HINT3: variants seen among roughly 807,000 people sequenced by gnomAD.
HINT3 encodes the protein histidine triad nucleotide binding protein 3.
A neutral mutation model predicts 19.1 loss-of-function variants in HINT3; 16 were observed. That is an observed-to-expected ratio of 0.84 (90% CI 0.57 to 1.27). The LOEUF (loss-of-function observed/expected upper bound fraction) is 1.27, where lower values mean the gene tolerates loss of function less well. HINT3 is among the 50% of genes most tolerant of loss of function. The pLI is 0.00. For synonymous variants in HINT3, 75 were observed against 84.8 expected (o/e 0.88, Z 0.63); for missense variants, 197 against 225.8 (o/e 0.87, Z 0.82).
chr6:125,972,285 AC>A lies in HINT3; in HGVS notation c.348del (p.Ile117PhefsTer13), dbSNP rs1429057113. 6.3e-7 allele frequency: 1 copy of A among 1,579,506 alleles called. No homozygotes were observed. The highest frequency in any genetic ancestry group is 1.9e-5 in the Admixed American group (1 of 52,042). On this transcript the variant is annotated frameshift_variant, in exon 3 of 5. Transcript: ENST00000229633. LOFTEE classifies it high-confidence loss of function. Reference sequence around the variant, plus strand: ...TGAGAACATGGTAACTGTTGGAAAAACCATTCTTGAAAGAAATAATTTCACT... The same window carrying A: ...TGAGAACATGGTAACTGTTGGAAAAACATTCTTGAAAGAAATAATTTCACT... ...LVENMVTVGK[T>X]ILERNNFTDF...
At chr6:125,960,617 G>C (rs964384071) in intron 1 of HINT3, among the ~76,000 whole-genome samples, 1 of 141,486 alleles carries the variant, frequency 7.1e-6, no homozygotes, top group Admixed American at 7.9e-5. Context: ...AGATCGCGCC[G>C]CTGCACTCCA....
intron 4 of HINT3, among the ~76,000 whole-genome samples, chr6:125,976,071 A>G (rs1044974329): frequency 9.9e-5 from 15 of 152,214 alleles, no homozygotes; most frequent in African/African-American, 3.6e-4. Flanking sequence ...AGTGATCTGT[A>G]GTTGCCATAT....
rs2128710067 is a variant in HINT3, at chr6:125,956,964, G to C, written c.-14G>C. 2 of 1,548,760 alleles carry C rather than the reference G, an allele frequency of 1.3e-6. No individual in the cohort carries two copies. Among genetic ancestry groups the C allele is most frequent in the Non-Finnish European group, 1.7e-6 (2 of 1,146,154 alleles). On this transcript the variant is annotated 5_prime_UTR_variant, in exon 1 of 5. Coordinates refer to ENST00000229633, the MANE Select transcript of HINT3 (RefSeq NM_138571.5). The stretch of plus-strand genomic sequence containing the variant: ...TGGAGAGGCCGAGGCTCTAGGCCGC[G>C]AGGGGCGGGTGCAATGGCGGAGGAA...
rs1265736667 is a variant in HINT3, at chr6:125,962,161, CACAT to C, written c.202-4724_202-4721del. Among the ~76,000 whole-genome samples, 10 of 99,844 alleles carry C rather than the reference CACAT, an allele frequency of 1.0e-4. 2 individuals are homozygous for C. The highest frequency in any genetic ancestry group is 4.5e-4 in the African/African-American group (10 of 22,440). 65.5% of individuals were successfully genotyped at this position (99,844 alleles called of 152,430 possible). A position where few individuals can be genotyped will look rare whatever the true frequency, so the allele number is the denominator to read the frequency against. Reference sequence around the variant, plus strand: ...GTGGATGGAAACCCATATATATATACACATATATATATATATATATATATACACA... The same window carrying C: ...GTGGATGGAAACCCATATATATATACATATATATATATATATATATACACA... On this transcript the variant is annotated intron_variant, in intron 1 of 4. Coordinates refer to ENST00000229633, the MANE Select transcript of HINT3 (RefSeq NM_138571.5).
intron 3 of HINT3, among the ~76,000 whole-genome samples, chr6:125,974,189 A>G (rs150762293): frequency 9.4e-4 from 143 of 152,328 alleles, no homozygotes; most frequent in Middle Eastern, 3.4e-3. Context: ...GGACTTGCAA[A>G]AATTTTTGTA....
At chr6:125,960,480 A>G (rs1788903542) in intron 1 of HINT3, among the ~76,000 whole-genome samples, 2 of 152,112 alleles carry the variant, frequency 1.3e-5, no homozygotes, top group Admixed American at 1.3e-4. Context: ...AATATGGTGA[A>G]ACCCCATCTC....
intron 1 of HINT3, among the ~76,000 whole-genome samples, chr6:125,965,590 A>C (rs1789006138): frequency 6.6e-6 from 1 of 152,026 alleles, no homozygotes; most frequent in East Asian, 1.9e-4. Context: ...GGGAGACTCC[A>C]TCTCTACAAA....
chr6:125,971,008 T>C (rs1789089533), intron 2 of HINT3, among the ~76,000 whole-genome samples: 1 of 152,188 alleles, frequency 6.6e-6, no homozygotes, highest in East Asian at 1.9e-4. Context: ...TCTCAATATA[T>C]CAGCTATCCT....
chr6:125,975,200 C>G lies in HINT3; in HGVS notation c.516+227C>G, dbSNP rs75097847. ...GCTAAATCTTCCCCATTGCAAGTAG[C>G]AGATACGATATAGAAGAACCATGGT... On this transcript the variant is annotated intron_variant, in intron 4 of 4. Coordinates refer to ENST00000229633, the MANE Select transcript of HINT3 (RefSeq NM_138571.5). 0.034 allele frequency among the ~76,000 whole-genome samples: 5,192 copies of G among 152,180 alleles called. 297 individuals are homozygous for G. Among genetic ancestry groups the G allele is most frequent in the African/African-American group, 0.12 (4,976 of 41,478 alleles).
At chr6:125,971,226 C>A (rs1162939526) in intron 2 of HINT3, among the ~76,000 whole-genome samples, 1 of 152,198 alleles carries the variant, frequency 6.6e-6, no homozygotes, top group Non-Finnish European at 1.5e-5. Flanking sequence ...AGTCATTATA[C>A]AAATTTTTGG....
chr6:125,962,523 A>T (rs967801110), intron 1 of HINT3, among the ~76,000 whole-genome samples: 2 of 152,154 alleles, frequency 1.3e-5, no homozygotes, highest in African/African-American at 4.8e-5. Flanking sequence ...TACATCATAC[A>T]TTCATATACT....
intron 1 of HINT3, among the ~76,000 whole-genome samples, chr6:125,959,875 A>G (rs981398430): frequency 2.6e-5 from 4 of 152,232 alleles, no homozygotes; most frequent in Non-Finnish European, 5.9e-5. Context: ...GCATGGGGAT[A>G]CAGCCGTAAA....
chr6:125,974,653 G>T (rs1426791503), intron 3 of HINT3, among the ~76,000 whole-genome samples, 194 bp from the exon 4 acceptor site: 1 of 152,152 alleles, frequency 6.6e-6, no homozygotes, highest in East Asian at 1.9e-4. Flanking sequence ...ATGTTACTAC[G>T]AACTTCAACA....
chr6:125,974,837 T>C lies in HINT3; in HGVS notation c.390-10T>C. The C allele has an allele frequency of 6.2e-7, 1 of 1,604,414 alleles. No homozygotes were observed. Among genetic ancestry groups the C allele is most frequent in the Non-Finnish European group, 8.5e-7 (1 of 1,172,954 alleles). On this transcript the variant is annotated splice_polypyrimidine_tract_variant and intron_variant, in intron 3 of 4. Transcript: ENST00000229633. ...TGGTTTGTCAATCATCTCTTTACTT[T>C]CTATTTTAGGATGGGTTTTCATATG...
chr6:125,958,148 G>C (rs745391581), intron 1 of HINT3, among the ~76,000 whole-genome samples: 3 of 152,014 alleles, frequency 2.0e-5, no homozygotes, highest in Non-Finnish European at 4.4e-5. Context: ...GAGACATGAA[G>C]AAATAAGTAG....
In HINT3 at chr6:125,974,869, T is replaced by C; in HGVS notation, c.412T>C (p.Phe138Leu). Reference protein sequence around the residue: ...NVRMGFHMPPFCSISHLHLHV... With the variant: ...NVRMGFHMPPLCSISHLHLHV... Reference sequence around the variant, plus strand: ...TAGGATGGGTTTTCATATGCCACCATTCTGTTCCATTTCCCACTTGCACCT... The same window carrying C: ...TAGGATGGGTTTTCATATGCCACCACTCTGTTCCATTTCCCACTTGCACCT... The change falls in exon 4 of 5, where the codon TTC (phenylalanine) becomes CTC (leucine). Residue 138 changes from phenylalanine to leucine, a missense_variant. Coordinates refer to ENST00000229633, the MANE Select transcript of HINT3 (RefSeq NM_138571.5). The C allele has an allele frequency of 6.2e-7, 1 of 1,613,932 alleles. No homozygotes were observed. The highest frequency in any genetic ancestry group is 8.5e-7 in the Non-Finnish European group (1 of 1,179,870).
intron 2 of HINT3, among the ~76,000 whole-genome samples, chr6:125,968,282 G>C (rs1789046628): frequency 6.6e-6 from 1 of 152,172 alleles, no homozygotes; most frequent in South Asian, 2.1e-4. Flanking sequence ...TTCTGTTCCT[G>C]TGTAATTCAT....
At chr6:125,966,714 C>T (rs546212494) in intron 1 of HINT3, among the ~76,000 whole-genome samples, 173 bp from the exon 2 acceptor site, 1 of 152,148 alleles carries the variant, frequency 6.6e-6, no homozygotes. Context: ...ATAAGCATCT[C>T]ATGAAGGAAG....
intron 4 of HINT3, among the ~76,000 whole-genome samples, chr6:125,975,591 T>TA (rs1188378327): frequency 6.6e-6 from 1 of 151,130 alleles, no homozygotes; most frequent in African/African-American, 2.4e-5. Flanking sequence ...GTTGTTTTTT[T>TA]TTTTTTTGAG....
Sources: allele counts gnomAD v4.1 joint callset (sites outside exome capture counted in the v4.1 genomes callset), GRCh38; gene constraint gnomAD v4.1.1; transcripts MANE v1.5; gene names NCBI Gene and HGNC (gene_info 2026-07-23, HGNC 2026-07-21).